PDGFRB: variants seen among roughly 807,000 people sequenced by gnomAD.
The protein encoded by PDGFRB is platelet derived growth factor receptor beta.
Under a neutral mutation model 120.2 loss-of-function variants are expected in PDGFRB, and 42 were observed. The ratio of observed to expected loss-of-function variants is 0.35; its 90% CI spans 0.27 to 0.45. PDGFRB has a LOEUF of 0.45. PDGFRB is among the 20% of genes least tolerant of loss of function. The pLI, the probability that PDGFRB is intolerant of heterozygous loss-of-function variation, is 1.00. For synonymous variants in PDGFRB, 586 were observed against 606.8 expected (o/e 0.97, Z 0.50); for missense variants, 1,149 against 1,476.3 (o/e 0.78, Z 3.63).
chr5:150,117,930 A>G, intron 21 of PDGFRB, 80 bp from the exon 22 acceptor site: 2 of 786,460 alleles, frequency 2.5e-6, no homozygotes, highest in South Asian at 1.7e-5. Flanking sequence ...AACCGAGCCC[A>G]TCCCCCTTTG....
intron 9 of PDGFRB, among the ~76,000 whole-genome samples, 169 bp downstream of exon 9, chr5:150,130,370 C>G (rs931787071): frequency 6.6e-6 from 1 of 152,154 alleles, no homozygotes; most frequent in African/African-American, 2.4e-5. Context: ...GGAAAAGGGA[C>G]CATTTAGGTC....
rs73796328 is a variant in PDGFRB at position 150,137,160 on chromosome 5, C to A, written c.-6-107G>T. The A allele has an allele frequency of 7.4e-3, 6,417 of 868,256 alleles. 279 individuals are homozygous for A. In the African/African-American group the frequency reaches 0.094, roughly 13 times the overall value. 53.8% of individuals were successfully genotyped at this position (868,256 alleles called of 1,614,324 possible). On this transcript the variant is annotated intron_variant, in intron 1 of 22. Coordinates refer to ENST00000261799, the MANE Select transcript of PDGFRB (RefSeq NM_002609.4). ...TGAGCCCCAGCTTGGGCCACCCAGC[C>A]TTCATGTCCGAGGGGCTGAAGTCAA...
At chr5:150,136,858 G>A (rs1760646214) in intron 2 of PDGFRB, 150 bp downstream of exon 2, 3 of 655,888 alleles carry the variant, frequency 4.6e-6, no homozygotes, top group Admixed American at 5.6e-5. Flanking sequence ...CCTCCACAGA[G>A]CCCACTGGAA....
At chr5:150,145,712 T>A (rs1428193318) in intron 1 of PDGFRB, among the ~76,000 whole-genome samples, 1 of 151,994 alleles carries the variant, frequency 6.6e-6, no homozygotes, top group Non-Finnish European at 1.5e-5. Flanking sequence ...GCCCAGTACC[T>A]GGCACAGAAC....
At chr5:150,123,847 T>G (rs975032229) in intron 14 of PDGFRB, among the ~76,000 whole-genome samples, 1 of 152,216 alleles carries the variant, frequency 6.6e-6, no homozygotes, top group Non-Finnish European at 1.5e-5. Context: ...TAGACCCAGT[T>G]GGCCACAGAG....
chr5:150,151,927 T>TATTA (rs1348783482), intron 1 of PDGFRB, among the ~76,000 whole-genome samples: 1 of 151,656 alleles, frequency 6.6e-6, no homozygotes, highest in Non-Finnish European at 1.5e-5. Flanking sequence ...TGTGACGGTT[T>TATTA]ATTTATTTAT....
rs1760510981 is a variant in PDGFRB at position 150,132,916 on chromosome 5, C to G, written c.961G>C (p.Glu321Gln). Residue 321 changes from glutamate to glutamine, a missense_variant, in exon 7 of 23, where the codon GAG (glutamate) becomes CAG (glutamine). Glu to Gln is a conservative substitution (Grantham distance 29). Around this residue, in one of 3 missense-constraint regions of PDGFRB, gnomAD observed 879 missense variants for 1,108.6 expected, o/e 0.79. Transcript: ENST00000261799. The surrounding 1 kb of genome is among the most constrained non-coding windows in gnomAD (Gnocchi z 5.0). ...TCAGCAAATTGTAGTGTGCCCACCT[C>G]TCCCAGGAGCCGCACGTAGCCGCTC... is the stretch of plus-strand genomic sequence containing the variant. ...VESGYVRLLG[E>Q]VGTLQFAELH... 4.4e-6 allele frequency: 7 copies of G among 1,573,188 alleles called. No homozygotes were observed. Among genetic ancestry groups the G allele is most frequent in the Non-Finnish European group, 5.2e-6 (6 of 1,160,604 alleles).
chr5:150,144,517 ATC>A (rs1296727869), intron 1 of PDGFRB, among the ~76,000 whole-genome samples: 4 of 152,170 alleles, frequency 2.6e-5, no homozygotes, highest in African/African-American at 9.7e-5. Context: ...AAGATGAAAC[ATC>A]TGTCTGGAAT....
In PDGFRB at chr5:150,129,758, G is replaced by A. The variant is rs755950846; in HGVS notation, c.1578C>T (p.His526=). The A allele has an allele frequency of 3.7e-6, 6 of 1,611,176 alleles. No individual in the cohort carries two copies. Among genetic ancestry groups the A allele is most frequent in the South Asian group, 3.3e-5 (3 of 91,016 alleles). Residue 526 remains histidine (H), a splice_region_variant and synonymous_variant, in exon 10 of 23, where the codon CAC becomes CAT. Coordinates refer to ENST00000261799, the MANE Select transcript of PDGFRB (RefSeq NM_002609.4). ...GGGCCACTGAGGCTGGGGACTCACAGTGTGGCACCACGATGACCTCCTGCG... is the reference window on the plus strand; with the variant it reads ...GGGCCACTGAGGCTGGGGACTCACAATGTGGCACCACGATGACCTCCTGCG... ...QDTQEVIVVP[H]SLPFKVVVIS... is the part of the protein sequence containing the mutation.
chr5:150,124,983 A>G, intron 12 of PDGFRB, 152 bp from the exon 13 acceptor site: 1 of 576,854 alleles, frequency 1.7e-6, no homozygotes, highest in Non-Finnish European at 3.1e-6. Context: ...CAACCTAGAC[A>G]TTACTTAAAC....
At chr5:150,138,572 A>G (rs1289421127) in intron 1 of PDGFRB, among the ~76,000 whole-genome samples, 3 of 152,128 alleles carry the variant, frequency 2.0e-5, no homozygotes, top group Admixed American at 2.0e-4. Flanking sequence ...TCCCTTTCAG[A>G]CTGCCTGCCT....
At chr5:150,117,542 G>GCGCGCGCGCA in intron 22 of PDGFRB, 76 bp downstream of exon 22, 2 of 461,984 alleles carry the variant, frequency 4.3e-6, no homozygotes, top group South Asian at 5.7e-5. Flanking sequence ...GCGCGCGCGC[G>GCGCGCGCGCA]CGCACACACA....
At chr5:150,151,295 T>C (rs1010510682) in intron 1 of PDGFRB, among the ~76,000 whole-genome samples, 8 of 152,168 alleles carry the variant, frequency 5.3e-5, no homozygotes, top group Non-Finnish European at 5.9e-5. Flanking sequence ...GTTTGACTGA[T>C]GGGAAAACTG....
chr5:150,129,666 G>A, intron 10 of PDGFRB, 91 bp downstream of exon 10: 1 of 1,042,264 alleles, frequency 9.6e-7, no homozygotes, highest in Non-Finnish European at 1.4e-6. Flanking sequence ...TAACTCCTTT[G>A]GCCTGCTGTG....
chr5:150,118,380 A>C (rs1760030993), intron 21 of PDGFRB, among the ~76,000 whole-genome samples: 1 of 152,162 alleles, frequency 6.6e-6, no homozygotes, highest in South Asian at 2.1e-4. Context: ...ATCCTGTGAC[A>C]GGATCCAAGT....
intron 1 of PDGFRB, among the ~76,000 whole-genome samples, chr5:150,139,978 CAA>C (rs76112327): frequency 1.0e-4 from 11 of 107,808 alleles, no homozygotes; most frequent in East Asian, 2.5e-4. Context: ...GACTCTGTCT[CAA>C]AAAAAAAAAA....
rs185633808 is a variant in PDGFRB at position 150,121,462 on chromosome 5, T to A, written c.2345-140A>T. 1.2e-3 allele frequency: 802 copies of A among 656,168 alleles called. 3 individuals are homozygous for A. Among genetic ancestry groups the A allele is most frequent in the Middle Eastern group, 3.2e-3 (8 of 2,510 alleles). 40.6% of individuals were successfully genotyped at this position (656,168 alleles called of 1,614,324 possible). ...TAGGTCTCCCCTAAAAGGAGAATGA[T>A]TTCTTAATATCAAACTCAAAGTTCT... is the stretch of plus-strand genomic sequence containing the variant. On this transcript the variant is annotated intron_variant, in intron 16 of 22. Transcript: ENST00000261799. This position sits in a 1 kb window ranked among gnomAD's most constrained non-coding sequence, Gnocchi z 4.1.
At chr5:150,150,618 C>T (rs1328430412) in intron 1 of PDGFRB, among the ~76,000 whole-genome samples, 23 of 87,982 alleles carry the variant, frequency 2.6e-4, no homozygotes, top group African/African-American at 5.0e-4. Flanking sequence ...ATGTAGGGGG[C>T]GGGGGCAGGG....
At chr5:150,153,084 T>TG (rs1761123862) in intron 1 of PDGFRB, among the ~76,000 whole-genome samples, 2 of 152,136 alleles carry the variant, frequency 1.3e-5, no homozygotes, top group African/African-American at 4.8e-5. Context: ...AGATGGGATG[T>TG]GGGGGGTCTG....
Sources: allele counts gnomAD v4.1 joint callset (sites outside exome capture counted in the v4.1 genomes callset), GRCh38; gene constraint gnomAD v4.1.1; regional missense constraint gnomAD v4.1.1; non-coding constraint Gnocchi (gnomAD v3.1); transcripts MANE v1.5; gene names NCBI Gene and HGNC (gene_info 2026-07-23, HGNC 2026-07-21).